CLIP2: variants seen among roughly 807,000 people sequenced by gnomAD.
The protein encoded by CLIP2 is CAP-Gly domain-containing linker protein 2.
Under a neutral mutation model 111.7 loss-of-function variants are expected in CLIP2, and 41 were observed. The observed-to-expected ratio is 0.37, with a 90% confidence interval of 0.29 to 0.48. The LOEUF (loss-of-function observed/expected upper bound fraction) is 0.48, where lower values mean the gene tolerates loss of function less well. Among genes scored for constraint, CLIP2 ranks in the 20% least tolerant of loss-of-function variants. The pLI is 0.99. For synonymous variants in CLIP2, 660 were observed against 644.2 expected (o/e 1.02, Z -0.37); for missense variants, 1,160 against 1,422.1 (o/e 0.82, Z 2.96).
intron 1 of CLIP2, among the ~76,000 whole-genome samples, chr7:74,295,989 CAAAAAA>C (rs368834820): frequency 1.4e-5 from 1 of 70,992 alleles, no homozygotes; most frequent in African/African-American, 4.1e-5. Flanking sequence ...ACCCTGTCTC[CAAAAAA>C]AAAAAAAAAA....
At chr7:74,333,192 A>AT (rs1789348270) in intron 2 of CLIP2, among the ~76,000 whole-genome samples, 2 of 151,542 alleles carry the variant, frequency 1.3e-5, no homozygotes, top group Admixed American at 1.3e-4. Context: ...GTTTATTTTA[A>AT]TTTTTTTTTG....
At chr7:74,399,389 A>C (rs1371810012) in intron 14 of CLIP2, among the ~76,000 whole-genome samples, 1 of 152,100 alleles carries the variant, frequency 6.6e-6, no homozygotes, top group Non-Finnish European at 1.5e-5. Flanking sequence ...AAAGTTAAAA[A>C]TTAGCCAAGT....
rs1181485819 is a variant in CLIP2, at chr7:74,349,470, G to GTGTA, written c.679-4409_679-4408insGTAT. Among the ~76,000 whole-genome samples the GTGTA allele has an allele frequency of 6.4e-3, 216 of 33,776 alleles. 3 individuals carry two copies. Among genetic ancestry groups the GTGTA allele is most frequent in the Non-Finnish European group, 9.1e-3 (164 of 17,946 alleles). 22.2% of individuals were successfully genotyped at this position (33,776 alleles called of 152,430 possible). A position where few individuals can be genotyped will look rare whatever the true frequency, so the allele number is the denominator to read the frequency against. On this transcript the variant is annotated intron_variant, in intron 3 of 16. Transcript: ENST00000223398. ...AAAGTATGTATGTGTGTGTGTGTGT[G>GTGTA]TATATATATATATATATATATATAT...
intron 1 of CLIP2, among the ~76,000 whole-genome samples, chr7:74,293,259 C>T (rs1423575663): frequency 1.3e-5 from 2 of 152,170 alleles, no homozygotes; most frequent in Non-Finnish European, 2.9e-5. Context: ...CAATTGGAGG[C>T]GACCTGGCCC....
At chr7:74,322,962 C>T (rs1410896459) in intron 2 of CLIP2, among the ~76,000 whole-genome samples, 2 of 152,014 alleles carry the variant, frequency 1.3e-5, no homozygotes, top group Non-Finnish European at 2.9e-5. Flanking sequence ...ATCTTCTGAC[C>T]TTGTGATCCA....
At chr7:74,372,239 G>A (rs769109173) in intron 8 of CLIP2, among the ~76,000 whole-genome samples, 3 of 152,110 alleles carry the variant, frequency 2.0e-5, no homozygotes, top group Non-Finnish European at 4.4e-5. Flanking sequence ...GAGACCAGGC[G>A]TCCTCTGTGG....
At chr7:74,388,957 A>C (rs1791198168) in intron 12 of CLIP2, 146 bp from the exon 13 acceptor site, 2 of 972,950 alleles carry the variant, frequency 2.1e-6, no homozygotes, top group Admixed American at 2.8e-5. Flanking sequence ...CCCAATCTCT[A>C]AAAAAACCGT....
chr7:74,372,402 T>A (rs517570), intron 8 of CLIP2, among the ~76,000 whole-genome samples: 1 of 34,438 alleles, frequency 2.9e-5, no homozygotes, highest in South Asian at 8.0e-4. Context: ...GCACAGGCCT[T>A]GGGGGGGGGG....
At chr7:74,367,252 G>T (rs574527015) in intron 8 of CLIP2, among the ~76,000 whole-genome samples, 1 of 151,496 alleles carries the variant, frequency 6.6e-6, no homozygotes, top group South Asian at 2.1e-4. Flanking sequence ...GTGCAGTGGC[G>T]CAATCTCTGC....
chr7:74,326,356 G>A (rs782423785), intron 2 of CLIP2, among the ~76,000 whole-genome samples: 4 of 152,186 alleles, frequency 2.6e-5, no homozygotes, highest in South Asian at 2.1e-4. Flanking sequence ...CAGGGGTGGG[G>A]TGCCTGGGGG....
intron 1 of CLIP2, among the ~76,000 whole-genome samples, chr7:74,314,063 G>A (rs1183100344): frequency 2.6e-5 from 4 of 151,684 alleles, no homozygotes; most frequent in Non-Finnish European, 5.9e-5. Flanking sequence ...GGCGCCTGTA[G>A]TCTGACTTAC....
chr7:74,386,919 A>T (rs983422872), intron 12 of CLIP2, among the ~76,000 whole-genome samples: 12 of 149,178 alleles, frequency 8.0e-5, no homozygotes, highest in Non-Finnish European at 1.6e-4. Context: ...GCTACTCGGG[A>T]GGCTGAGGCA....
Position 74,338,693 on chromosome 7 carries a change from G to T in CLIP2, c.367G>T (p.Ala123Ser), listed in dbSNP as rs1554732675. 6.3e-7 allele frequency: 1 copy of T among 1,583,198 alleles called. No homozygotes were observed. The highest frequency in any genetic ancestry group is 2.3e-5 in the East Asian group (1 of 43,292). ...LDDPVGKNDG[A>S]VGGVRYFECP... Reference sequence around the variant, plus strand: ...CGACCCGGTGGGCAAGAATGATGGCGCGGTGGGCGGCGTGCGCTACTTCGA... The same window carrying T: ...CGACCCGGTGGGCAAGAATGATGGCTCGGTGGGCGGCGTGCGCTACTTCGA... Residue 123 changes from alanine (A) to serine (S), a missense_variant, in exon 3 of 17, where the codon GCG (alanine) becomes TCG (serine). Physicochemically the swap from Ala to Ser is moderately conservative, Grantham distance 99. Coordinates refer to ENST00000223398, the MANE Select transcript of CLIP2 (RefSeq NM_003388.5). The surrounding 1 kb of genome is among the most constrained non-coding windows in gnomAD (Gnocchi z 4.3).
intron 3 of CLIP2, among the ~76,000 whole-genome samples, chr7:74,340,105 T>C (rs1352141551): frequency 1.4e-5 from 2 of 147,682 alleles, no homozygotes; most frequent in Non-Finnish European, 3.0e-5. Context: ...ATAATAATAA[T>C]AATAATAAGG....
rs781872535 is a variant in CLIP2 at position 74,376,671 on chromosome 7, C to T, written c.2270C>T (p.Ser757Leu). 7.4e-6 allele frequency: 12 copies of T among 1,613,290 alleles called. No individual in the cohort carries two copies. Among genetic ancestry groups the T allele is most frequent in the African/African-American group, 1.3e-5 (1 of 75,034 alleles). ...ATCGAGTTCCTCAAGGAGCAGATCT[C>T]GCTGGCCGAGAAGAAGATGTTGGAC... ...QAIEFLKEQI[S>L]LAEKKMLDYE... The change falls in exon 10 of 17, where the codon TCG becomes TTG. Residue 757 changes from serine (S) to leucine (L), a missense_variant. By Grantham distance (145) the Ser-to-Leu change is moderately radical (BLOSUM62 -2). This residue lies in a region of CLIP2 where 676 missense variants were observed against 777.8 expected (regional missense o/e 0.87). Transcript: ENST00000223398. The surrounding 1 kb of genome is among the most constrained non-coding windows in gnomAD (Gnocchi z 7.1).
At chr7:74,329,178 G>A (rs912048694) in intron 2 of CLIP2, among the ~76,000 whole-genome samples, 21 of 146,666 alleles carry the variant, frequency 1.4e-4, no homozygotes, top group Admixed American at 4.3e-4. Context: ...CGCCCTCCTC[G>A]GCCTTCCAAA....
intron 2 of CLIP2, among the ~76,000 whole-genome samples, chr7:74,319,586 G>A (rs868983072): frequency 4.8e-4 from 73 of 152,208 alleles, no homozygotes; most frequent in Non-Finnish European, 2.9e-4. Flanking sequence ...GGGAGGCTGA[G>A]GCCAGAGGAT....
At chr7:74,332,981 G>A (rs1252062210) in intron 2 of CLIP2, among the ~76,000 whole-genome samples, 4 of 152,188 alleles carry the variant, frequency 2.6e-5, no homozygotes, top group Non-Finnish European at 5.9e-5. Context: ...CCGCGTCCTC[G>A]CAGGCGGAGG....
intron 2 of CLIP2, among the ~76,000 whole-genome samples, chr7:74,324,807 C>G (rs1789066463): frequency 7.6e-6 from 1 of 131,502 alleles, no homozygotes; most frequent in African/African-American, 2.8e-5. Context: ...GTTCCTGTTC[C>G]AAGATCTTGA....
Sources: allele counts gnomAD v4.1 joint callset (sites outside exome capture counted in the v4.1 genomes callset), GRCh38; gene constraint gnomAD v4.1.1; regional missense constraint gnomAD v4.1.1; non-coding constraint Gnocchi (gnomAD v3.1); transcripts MANE v1.5; gene names NCBI Gene and HGNC (gene_info 2026-07-23, HGNC 2026-07-21).